Variants in ZNF521 observed in about 807,000 individuals in gnomAD.
The protein encoded by ZNF521 is zinc finger protein 521, also known as LYST-interacting protein 3.
Under a neutral mutation model 105.5 loss-of-function variants are expected in ZNF521, and 14 were observed. The observed-to-expected ratio is 0.13, with a 90% CI of 0.09 to 0.21. The LOEUF is 0.21. Among genes scored for constraint, ZNF521 ranks in the 10% least tolerant of loss-of-function variants. The pLI, the probability that ZNF521 is intolerant of heterozygous loss-of-function variation, is 1.00. For missense variants in ZNF521, 1,233 were observed against 1,629.7 expected (o/e 0.76, Z 4.19); for synonymous variants, 635 against 606.0 (o/e 1.05, Z -0.70).
At chr18:25,151,872 AAAT>A (rs1462652057) in intron 5 of ZNF521, among the ~76,000 whole-genome samples, 3 of 152,346 alleles carry the variant, frequency 2.0e-5, no homozygotes, top group Non-Finnish European at 4.4e-5. Context: ...CATGTTGCAC[AAAT>A]AATGAATGAC....
At chr18:25,273,889 A>AAACTAATTGTTTAAAGTTTAG (rs1409847942) in intron 3 of ZNF521, among the ~76,000 whole-genome samples, 2 of 152,192 alleles carry the variant, frequency 1.3e-5, no homozygotes, top group Admixed American at 1.3e-4. Context: ...TATTAATAAT[A>AAACTAATTGTTTAAAGTTTAG]AACTAATTGT....
chr18:25,188,497 G>C (rs1407694324), intron 5 of ZNF521, among the ~76,000 whole-genome samples: 1 of 152,204 alleles, frequency 6.6e-6, no homozygotes, highest in Non-Finnish European at 1.5e-5. Context: ...AAGCATGACT[G>C]TGCAGGGATC....
chr18:25,269,150 T>G (rs191102096), intron 3 of ZNF521, among the ~76,000 whole-genome samples: 20 of 145,950 alleles, frequency 1.4e-4, no homozygotes, highest in Admixed American at 1.4e-3. Context: ...TAGTGTTTGA[T>G]AAAACAGACT....
In ZNF521 at chr18:25,125,408, C is replaced by T. The variant is rs906155069; in HGVS notation, c.3659-33327G>A. ...CTATTCATATTAAGAAAATTAGGCC[C>T]AATACTAACAGATATCAAGACATAC... On this transcript the variant is annotated intron_variant, in intron 5 of 7. Coordinates refer to ENST00000361524, the MANE Select transcript of ZNF521 (RefSeq NM_015461.3). 3.3e-5 allele frequency among the ~76,000 whole-genome samples: 5 copies of T among 152,022 alleles called. No homozygotes were observed. In the South Asian group the frequency reaches 1.0e-3, roughly 31 times the overall value.
At chr18:25,258,692 T>C (rs1259933486) in intron 3 of ZNF521, among the ~76,000 whole-genome samples, 1 of 152,124 alleles carries the variant, frequency 6.6e-6, no homozygotes, top group East Asian at 1.9e-4. Context: ...TTCTCTATCA[T>C]GCTATGGATC....
intron 3 of ZNF521, among the ~76,000 whole-genome samples, chr18:25,300,696 C>T (rs1911592734): frequency 6.6e-6 from 1 of 151,766 alleles, no homozygotes; most frequent in Non-Finnish European, 1.5e-5. Context: ...TACTTTTGCA[C>T]CAACCTAATA....
In ZNF521 at chr18:25,169,037, T is replaced by A. The variant is rs570942136; in HGVS notation, c.3658+26123A>T. ...TAACAGGTAATAGTTTCCACAATTA[T>A]TCCTCCTACATTTTCCTGGCACTAT... On this transcript the variant is annotated intron_variant, in intron 5 of 7. Coordinates refer to ENST00000361524, the MANE Select transcript of ZNF521 (RefSeq NM_015461.3). Among the ~76,000 whole-genome samples, 12 of 152,238 alleles carry A rather than the reference T, an allele frequency of 7.9e-5. No individual in the cohort carries two copies. The South Asian group carries it at 2.3e-3, about 29-fold the overall frequency.
chr18:25,177,343 G>A (rs1054646950), intron 5 of ZNF521, among the ~76,000 whole-genome samples: 1 of 152,072 alleles, frequency 6.6e-6, no homozygotes, highest in African/African-American at 2.4e-5. Flanking sequence ...GTGGGAGGCA[G>A]GAGACCTCTG....
chr18:25,251,524 CCAGCCCTA>C (rs1908116061), intron 3 of ZNF521, among the ~76,000 whole-genome samples: 1 of 152,180 alleles, frequency 6.6e-6, no homozygotes, highest in Admixed American at 6.5e-5. Context: ...AAAGAGATTT[CCAGCCCTA>C]CAGTGTAACA....
intron 3 of ZNF521, among the ~76,000 whole-genome samples, chr18:25,242,093 C>T (rs1179689764): frequency 6.6e-6 from 1 of 152,104 alleles, no homozygotes; most frequent in African/African-American, 2.4e-5. Context: ...AAAATTAGAC[C>T]TAATAGTTGC....
intron 4 of ZNF521, among the ~76,000 whole-genome samples, chr18:25,206,950 CT>C (rs1282719245): frequency 6.6e-6 from 1 of 152,118 alleles, no homozygotes; most frequent in Non-Finnish European, 1.5e-5. Flanking sequence ...CTAGAACATG[CT>C]GTGCAATTAC....
At position 25,081,019 on chromosome 18, in the gene ZNF521, A is replaced by G. The variant is rs560530051; in HGVS notation, c.3906+8446T>C. ...ACATGCAGTCTTTCCTTCCTAATGG[A>G]GGCAGATCTTCCGGTGCTATGGCAG... On this transcript the variant is annotated intron_variant, in intron 7 of 7. Transcript: ENST00000361524. Among the ~76,000 whole-genome samples the G allele has an allele frequency of 3.9e-5, 6 of 151,958 alleles. No homozygotes were observed. In the East Asian group the frequency reaches 1.2e-3, roughly 30 times the overall value.
intron 1 of ZNF521, 39 bp downstream of exon 1, chr18:25,351,966 G>C (rs764039017): frequency 1.1e-5 from 4 of 365,966 alleles, no homozygotes; most frequent in Non-Finnish European, 5.6e-6. Flanking sequence ...GCAGGAGGAG[G>C]AGAAGGAGTG....
At chr18:25,098,432 T>C (rs2033897862) in intron 5 of ZNF521, among the ~76,000 whole-genome samples, 1 of 152,090 alleles carries the variant, frequency 6.6e-6, no homozygotes, top group African/African-American at 2.4e-5. Context: ...AGGTAAAACT[T>C]TGCCCTCATT....
chr18:25,348,153 T>C (rs903316236), intron 2 of ZNF521, among the ~76,000 whole-genome samples: 4 of 152,218 alleles, frequency 2.6e-5, no homozygotes, highest in Admixed American at 2.6e-4. Flanking sequence ...AGCAAAGTGT[T>C]GTTCACTGCA....
intron 2 of ZNF521, among the ~76,000 whole-genome samples, chr18:25,348,820 G>A (rs1358703599): frequency 6.6e-6 from 1 of 152,146 alleles, no homozygotes; most frequent in Non-Finnish European, 1.5e-5. Flanking sequence ...GAACTGCACA[G>A]GTATTTTGCA....
chr18:25,307,716 G>T (rs937024945), intron 3 of ZNF521, among the ~76,000 whole-genome samples: 1 of 152,162 alleles, frequency 6.6e-6, no homozygotes, highest in Non-Finnish European at 1.5e-5. Context: ...CTTCCAGGAT[G>T]AAGTCATAAA....
At chr18:25,343,692 C>T (rs569391217) in intron 2 of ZNF521, among the ~76,000 whole-genome samples, 2 of 152,228 alleles carry the variant, frequency 1.3e-5, no homozygotes, top group East Asian at 1.9e-4. Flanking sequence ...AAAATGAACA[C>T]GTACCTAACA....
At chr18:25,219,402 G>T (rs1373658778) in intron 4 of ZNF521, among the ~76,000 whole-genome samples, 1 of 152,164 alleles carries the variant, frequency 6.6e-6, no homozygotes, top group Non-Finnish European at 1.5e-5. Context: ...AAAAATGCAG[G>T]TTTAGAGAAA....
Sources: allele counts gnomAD v4.1 joint callset (sites outside exome capture counted in the v4.1 genomes callset), GRCh38; gene constraint gnomAD v4.1.1; transcripts MANE v1.5; gene names NCBI Gene and HGNC (gene_info 2026-07-23, HGNC 2026-07-21).